RBFOX1: variants seen among roughly 807,000 people sequenced by gnomAD.
RBFOX1 encodes RNA binding fox-1 homolog 1.
RBFOX1 carries 8 observed loss-of-function variants against 57.7 expected under a neutral mutation model. The ratio of observed to expected loss-of-function variants is 0.14; its 90% CI spans 0.08 to 0.25. The LOEUF is 0.25. Among genes scored for constraint, RBFOX1 ranks in the 10% least tolerant of loss-of-function variants. The pLI, the probability that RBFOX1 is intolerant of heterozygous loss-of-function variation, is 1.00. For synonymous variants in RBFOX1, 326 were observed against 222.4 expected (o/e 1.47, Z -4.15); for missense variants, 611 against 548.5 (o/e 1.11, Z -1.14).
At chr16:5,717,021 A>C in intron 3 of RBFOX1, among the ~76,000 whole-genome samples, 1 of 150,864 alleles carries the variant, frequency 6.6e-6, no homozygotes, top group Non-Finnish European at 1.5e-5. Flanking sequence ...AGCAGAAAAA[A>C]CTCTTAACTC....
At chr16:6,702,227 C>T (rs925647866) in intron 3 of RBFOX1, among the ~76,000 whole-genome samples, 3 of 152,168 alleles carry the variant, frequency 2.0e-5, no homozygotes, top group Non-Finnish European at 4.4e-5. Flanking sequence ...CACTGGAGAT[C>T]ACATTTCAAC....
intron 4 of RBFOX1, among the ~76,000 whole-genome samples, chr16:7,465,044 C>T (rs1159887650): frequency 6.6e-6 from 1 of 151,966 alleles, no homozygotes; most frequent in African/African-American, 2.4e-5. Context: ...AGCATGTTAC[C>T]TCTTCCAGGG....
intron 4 of RBFOX1, among the ~76,000 whole-genome samples, chr16:5,938,600 A>C (rs542828962): frequency 6.6e-6 from 1 of 152,216 alleles, no homozygotes. Flanking sequence ...TTTTTAGCTC[A>C]CCTTGTAACT....
At chr16:7,339,006 T>A (rs372898977) in intron 4 of RBFOX1, among the ~76,000 whole-genome samples, 1 of 152,192 alleles carries the variant, frequency 6.6e-6, no homozygotes, top group Non-Finnish European at 1.5e-5. Flanking sequence ...AAGCGGACTT[T>A]TCTGTACTGC....
chr16:5,283,842 C>G (rs2063329656), intron 1 of RBFOX1, among the ~76,000 whole-genome samples: 1 of 151,970 alleles, frequency 6.6e-6, no homozygotes. Context: ...TCAGTTAATG[C>G]TGAACTTAGT....
chr16:7,371,990 A>G (rs2097575042), intron 4 of RBFOX1, among the ~76,000 whole-genome samples: 1 of 151,916 alleles, frequency 6.6e-6, no homozygotes, highest in Non-Finnish European at 1.5e-5. Flanking sequence ...TATAAACATT[A>G]CTGCTACACA....
chr16:5,701,376 A>G (rs1484521825), intron 3 of RBFOX1, among the ~76,000 whole-genome samples: 1 of 152,238 alleles, frequency 6.6e-6, no homozygotes, highest in Non-Finnish European at 1.5e-5. Context: ...TCTTGGGAGA[A>G]TATATTGTGA....
At chr16:5,893,859 A>G (rs1597672650) in intron 4 of RBFOX1, among the ~76,000 whole-genome samples, 1 of 152,164 alleles carries the variant, frequency 6.6e-6, no homozygotes, top group Admixed American at 6.5e-5. Flanking sequence ...CTATGTACCT[A>G]CAAAAATTGA....
At chr16:5,259,470 A>G (rs2062676024) in intron 1 of RBFOX1, among the ~76,000 whole-genome samples, 1 of 152,034 alleles carries the variant, frequency 6.6e-6, no homozygotes, top group Non-Finnish European at 1.5e-5. Flanking sequence ...TCCATCTTGT[A>G]TTGTCATCAC....
chr16:6,634,847 A>C (rs1325505931), intron 2 of RBFOX1, among the ~76,000 whole-genome samples: 1 of 139,920 alleles, frequency 7.1e-6, no homozygotes, highest in Non-Finnish European at 1.5e-5. Flanking sequence ...TGTATTATAT[A>C]TAATACTTTA....
intron 2 of RBFOX1, among the ~76,000 whole-genome samples, chr16:5,489,745 G>T (rs2042763023): frequency 6.6e-6 from 1 of 152,180 alleles, no homozygotes; most frequent in Non-Finnish European, 1.5e-5. Context: ...GGATGATTTT[G>T]CTGAGGAATA....
intron 4 of RBFOX1, among the ~76,000 whole-genome samples, chr16:7,166,659 G>A (rs1197364852): frequency 6.6e-6 from 1 of 152,116 alleles, no homozygotes; most frequent in Non-Finnish European, 1.5e-5. Context: ...TGAGGAAGGG[G>A]TGAGTGTAAA....
intron 3 of RBFOX1, among the ~76,000 whole-genome samples, chr16:6,833,379 C>G (rs1240184558): frequency 2.0e-5 from 3 of 151,996 alleles, no homozygotes; most frequent in South Asian, 4.1e-4. Flanking sequence ...GTTGGTTCCG[C>G]TGTTCTCAAA....
chr16:6,940,831 T>C (rs1239786647), intron 3 of RBFOX1, among the ~76,000 whole-genome samples: 3 of 129,322 alleles, frequency 2.3e-5, no homozygotes, highest in East Asian at 4.7e-4. Flanking sequence ...TACAGGCGCC[T>C]GCCACCATGT....
intron 1 of RBFOX1, among the ~76,000 whole-genome samples, chr16:6,031,497 G>A (rs912540450): frequency 5.3e-5 from 8 of 152,226 alleles, no homozygotes; most frequent in South Asian, 4.1e-4. Context: ...GGAGCACCAT[G>A]CCAGAAAAGC....
intron 2 of RBFOX1, among the ~76,000 whole-genome samples, chr16:5,575,637 C>T (rs2046426585): frequency 6.6e-6 from 1 of 152,190 alleles, no homozygotes; most frequent in Admixed American, 6.5e-5. Context: ...TCCAGAGGCG[C>T]ATGAGACAGG....
chr16:5,713,140 A>G (rs1321618720), intron 3 of RBFOX1, among the ~76,000 whole-genome samples: 6 of 152,308 alleles, frequency 3.9e-5, no homozygotes, highest in African/African-American at 1.4e-4. Context: ...CACTGAATGA[A>G]CTTGCTTCTG....
intron 3 of RBFOX1, among the ~76,000 whole-genome samples, chr16:6,744,394 C>T (rs143741213): frequency 4.6e-5 from 7 of 151,910 alleles, no homozygotes; most frequent in Admixed American, 1.3e-4. Context: ...TAGCAGGATA[C>T]ATATTGTTTT....
chr16:7,593,950 G>A (rs76526800), intron 7 of RBFOX1, among the ~76,000 whole-genome samples: 8 of 152,190 alleles, frequency 5.3e-5, no homozygotes, highest in East Asian at 3.9e-4. Context: ...GAAAAGTTCC[G>A]TTAGCCAGCC....
Sources: gnomAD v4.1 joint callset for allele counts (sites outside exome capture counted in the v4.1 genomes callset) on GRCh38, gnomAD v4.1.1 for gene constraint, MANE v1.5 for transcripts, NCBI Gene and HGNC (gene_info 2026-07-23, HGNC 2026-07-21) for gene names.